Variants in CDH18 observed in about 807,000 individuals in gnomAD.
CDH18 encodes the protein cadherin 18.
In CDH18, 31 loss-of-function variants were observed where a neutral mutation model predicts 67.9. The observed-to-expected ratio is 0.46, with a 90% CI of 0.34 to 0.62. The LOEUF is 0.62. CDH18 is among the 20% of genes least tolerant of loss of function. The pLI, the probability that CDH18 is intolerant of heterozygous loss-of-function variation, is 0.01. For missense variants in CDH18, 890 were observed against 975.5 expected (o/e 0.91, Z 1.17); for synonymous variants, 362 against 347.2 (o/e 1.04, Z -0.48).
At chr5:19,583,676 T>A (rs1220411278) in intron 7 of CDH18, among the ~76,000 whole-genome samples, 1 of 152,164 alleles carries the variant, frequency 6.6e-6, no homozygotes. Context: ...GTAGTTATTA[T>A]TGAGGTAGTA....
intron 2 of CDH18, among the ~76,000 whole-genome samples, chr5:19,857,048 T>A (rs1581668060): frequency 6.6e-6 from 1 of 151,902 alleles, no homozygotes; most frequent in South Asian, 2.1e-4. Context: ...CATAGTGAGA[T>A]CCCATCTCCA....
At chr5:20,402,667 T>C (rs1163174069) in intron 1 of CDH18, among the ~76,000 whole-genome samples, 3 of 152,166 alleles carry the variant, frequency 2.0e-5, no homozygotes, top group African/African-American at 7.2e-5. Flanking sequence ...ATTATGATTA[T>C]ATGAACCTTC....
chr5:20,199,965 G>A (rs1011089846), intron 2 of CDH18, among the ~76,000 whole-genome samples: 5 of 151,966 alleles, frequency 3.3e-5, no homozygotes, highest in African/African-American at 7.3e-5. Flanking sequence ...AGGCCTCCCC[G>A]GCCATATGCA....
At chr5:19,560,185 A>G (rs1235569300) in intron 8 of CDH18, among the ~76,000 whole-genome samples, 1 of 152,130 alleles carries the variant, frequency 6.6e-6, no homozygotes, top group Non-Finnish European at 1.5e-5. Flanking sequence ...ATGGAACCAA[A>G]AGAGAGCCTG....
chr5:20,257,037 C>G (rs1378593202), intron 1 of CDH18, among the ~76,000 whole-genome samples: 1 of 151,752 alleles, frequency 6.6e-6, no homozygotes, highest in Non-Finnish European at 1.5e-5. Flanking sequence ...CTTATCAGGG[C>G]AAAACTTTCA....
In CDH18 at chr5:19,545,504, T is replaced by C. The variant is rs192820159; in HGVS notation, c.1254-1499A>G. ...ATACTGTAGAAAGTTGAAAACAATT[T>C]ATAAAAAAAATTATTTGTCAACTTG... On this transcript the variant is annotated intron_variant, in intron 8 of 12. Transcript: ENST00000382275. Among the ~76,000 whole-genome samples, 5 of 152,270 alleles carry C rather than the reference T, an allele frequency of 3.3e-5. No individual in the cohort carries two copies. In the East Asian group the frequency reaches 9.6e-4, roughly 29 times the overall value.
intron 5 of CDH18, among the ~76,000 whole-genome samples, chr5:19,703,409 GGA>G (rs1763525138): frequency 6.6e-6 from 1 of 152,142 alleles, no homozygotes; most frequent in Admixed American, 6.5e-5. Context: ...TGAGGAGGAA[GGA>G]GAGTATAACT....
At chr5:20,524,389 T>G (rs1755920955) in intron 1 of CDH18, among the ~76,000 whole-genome samples, 1 of 152,324 alleles carries the variant, frequency 6.6e-6, no homozygotes, top group South Asian at 2.1e-4. Context: ...AAGACAATGT[T>G]TGTTTAGTCA....
intron 2 of CDH18, among the ~76,000 whole-genome samples, chr5:20,118,914 T>G (rs746965347): frequency 3.3e-5 from 5 of 152,164 alleles, no homozygotes; most frequent in Non-Finnish European, 5.9e-5. Context: ...CCCTTTCACA[T>G]ACTAACAGGT....
chr5:20,503,002 GA>G (rs5866431), intron 1 of CDH18, among the ~76,000 whole-genome samples: 1 of 151,596 alleles, frequency 6.6e-6, no homozygotes, highest in Non-Finnish European at 1.5e-5. Flanking sequence ...CCTGAACTTA[GA>G]AAAAAAGGGG....
chr5:20,170,262 G>A (rs1019764096), intron 2 of CDH18, among the ~76,000 whole-genome samples: 2 of 150,306 alleles, frequency 1.3e-5, no homozygotes, highest in African/African-American at 4.9e-5. Flanking sequence ...CCACTTACAA[G>A]TGAGAACATG....
intron 2 of CDH18, among the ~76,000 whole-genome samples, chr5:19,853,473 T>C (rs1364811304): frequency 6.6e-6 from 1 of 152,156 alleles, no homozygotes; most frequent in East Asian, 1.9e-4. Context: ...TGAGACGTAT[T>C]CTTACAATCT....
At chr5:19,484,473 A>G (rs1740026217) in intron 11 of CDH18, among the ~76,000 whole-genome samples, 2 of 152,162 alleles carry the variant, frequency 1.3e-5, no homozygotes, top group African/African-American at 4.8e-5. Flanking sequence ...TTGTACTGTT[A>G]TTCCTCGTCC....
intron 2 of CDH18, among the ~76,000 whole-genome samples, chr5:20,205,444 A>G (rs1739806543): frequency 6.6e-6 from 1 of 152,074 alleles, no homozygotes; most frequent in Non-Finnish European, 1.5e-5. Context: ...AGGGACTTCA[A>G]CACCCCACTG....
intron 1 of CDH18, among the ~76,000 whole-genome samples, chr5:20,488,625 G>A (rs942465896): frequency 2.0e-5 from 3 of 149,732 alleles, no homozygotes; most frequent in Non-Finnish European, 3.0e-5. Context: ...CCTTGGTAAC[G>A]ATAATGTAGG....
At position 20,296,236 on chromosome 5, in the gene CDH18, T is replaced by TTTTG. The variant is rs1231274817; in HGVS notation, c.-579-40735_-579-40732dup. Among the ~76,000 whole-genome samples, 87 of 151,194 alleles carry TTTTG rather than the reference T, an allele frequency of 5.8e-4. 1 individual carries two copies. The highest frequency in any genetic ancestry group is 3.9e-3 in the East Asian group (20 of 5,068). On this transcript the variant is annotated intron_variant, in intron 1 of 14. Transcript: ENST00000507958. ...TTCACATACTTCCACTAAGGTTTTT[T>TTTTG]TTTGTTTGTTTGTTTTTGTTTTTTG...
At chr5:19,838,449 CTTAA>C (rs1200991663) in intron 3 of CDH18, among the ~76,000 whole-genome samples, 1 of 152,050 alleles carries the variant, frequency 6.6e-6, no homozygotes, top group African/African-American at 2.4e-5. Context: ...GAAAAAATTA[CTTAA>C]TTGTGTGTTC....
At chr5:20,171,976 G>A (rs567447542) in intron 2 of CDH18, among the ~76,000 whole-genome samples, 1 of 150,760 alleles carries the variant, frequency 6.6e-6, no homozygotes, top group Admixed American at 6.6e-5. Flanking sequence ...TTATTCAGTA[G>A]GGAGTCCTTT....
chr5:20,502,204 A>G (rs868054541), intron 1 of CDH18, among the ~76,000 whole-genome samples: 6 of 152,186 alleles, frequency 3.9e-5, no homozygotes, highest in Non-Finnish European at 2.9e-5. Context: ...TTTTTGAACT[A>G]TTCCAAGGAT....
Sources: allele counts gnomAD v4.1 joint callset (sites outside exome capture counted in the v4.1 genomes callset), GRCh38; gene constraint gnomAD v4.1.1; transcripts MANE v1.5; gene names NCBI Gene and HGNC (gene_info 2026-07-23, HGNC 2026-07-21).